The following MAP3K3 variants were observed in gnomAD, a reference collection of about 807,000 sequenced individuals.
The protein encoded by MAP3K3 is mitogen-activated protein kinase kinase kinase 3.
MAP3K3 carries 12 observed loss-of-function variants against 80.9 expected under a neutral mutation model. That is an observed-to-expected ratio of 0.15 (90% CI 0.10 to 0.24). MAP3K3 has a LOEUF of 0.24. MAP3K3 is among the 10% of genes least tolerant of loss of function. MAP3K3 has a pLI of 1.00. For synonymous variants in MAP3K3, 272 were observed against 307.1 expected (o/e 0.89, Z 1.19); for missense variants, 596 against 834.7 (o/e 0.71, Z 3.52).
intron 2 of MAP3K3, among the ~76,000 whole-genome samples, chr17:63,636,268 G>A (rs1309188169): frequency 6.6e-6 from 1 of 152,222 alleles, no homozygotes; most frequent in African/African-American, 2.4e-5. Flanking sequence ...AGCTATGGAA[G>A]TACATGGGCA....
intron 6 of MAP3K3, among the ~76,000 whole-genome samples, chr17:63,667,580 G>C (rs924245559): frequency 1.3e-5 from 2 of 152,202 alleles, no homozygotes; most frequent in South Asian, 4.2e-4. Flanking sequence ...TGTTTGTAGG[G>C]GATTGGTTCC....
chr17:63,631,943 G>A (rs2034224471), intron 1 of MAP3K3, among the ~76,000 whole-genome samples: 2 of 152,174 alleles, frequency 1.3e-5, no homozygotes, highest in Non-Finnish European at 1.5e-5. Flanking sequence ...ACCTTTTAAA[G>A]TGTGCTCTCC....
At chr17:63,645,972 G>A in intron 2 of MAP3K3, 62 bp from the exon 3 acceptor site, 1 of 1,363,000 alleles carries the variant, frequency 7.3e-7, no homozygotes, top group South Asian at 1.2e-5. Flanking sequence ...GGCTTACTTG[G>A]CAATGGCAGG....
rs1488801058 is a variant in MAP3K3 at position 63,689,770 on chromosome 17, C to T, written c.1063+35C>T. On this transcript the variant is annotated intron_variant, in intron 11 of 15. Coordinates refer to ENST00000361733, the MANE Select transcript of MAP3K3 (RefSeq NM_002401.5). This position sits in a 1 kb window ranked among gnomAD's most constrained non-coding sequence, Gnocchi z 4.3. Reference sequence around the variant, plus strand: ...TGTCCCTGGCTAGGAGGAGACTGCCCAGGTGGTCTCAGACAAGCTACGGGG... The same window carrying T: ...TGTCCCTGGCTAGGAGGAGACTGCCTAGGTGGTCTCAGACAAGCTACGGGG... 1.3e-6 allele frequency: 2 copies of T among 1,569,324 alleles called. No individual in the cohort carries two copies. The highest frequency in any genetic ancestry group is 8.7e-7 in the Non-Finnish European group (1 of 1,152,480).
At chr17:63,644,334 C>T (rs191945892) in intron 2 of MAP3K3, among the ~76,000 whole-genome samples, 1 of 152,136 alleles carries the variant, frequency 6.6e-6, no homozygotes, top group Non-Finnish European at 1.5e-5. Flanking sequence ...CCTGCCTCAG[C>T]CTCCCGAGTA....
intron 6 of MAP3K3, among the ~76,000 whole-genome samples, chr17:63,679,884 G>C (rs1007897443): frequency 1.3e-5 from 2 of 152,090 alleles, no homozygotes; most frequent in African/African-American, 4.8e-5. Flanking sequence ...ATCTAAAACT[G>C]GTCTGGACTA....
intron 6 of MAP3K3, among the ~76,000 whole-genome samples, chr17:63,678,673 T>C (rs2035269148): frequency 6.6e-6 from 1 of 152,234 alleles, no homozygotes; most frequent in African/African-American, 2.4e-5. Context: ...ATTCTCAAAA[T>C]GTATTCAGCA....
At chr17:63,634,241 A>C (rs1418529499) in intron 2 of MAP3K3, among the ~76,000 whole-genome samples, 1 of 152,168 alleles carries the variant, frequency 6.6e-6, no homozygotes, top group Admixed American at 6.5e-5. Context: ...CCCTTGCTTG[A>C]GCCTAATGAC....
chr17:63,687,147 C>G (rs941672054), intron 8 of MAP3K3, among the ~76,000 whole-genome samples: 7 of 151,444 alleles, frequency 4.6e-5, no homozygotes, highest in African/African-American at 1.7e-4. Context: ...ACGCGGATCA[C>G]CTGAGGTCAG....
intron 6 of MAP3K3, among the ~76,000 whole-genome samples, chr17:63,673,939 G>C (rs2035163319): frequency 6.6e-6 from 1 of 152,004 alleles, no homozygotes; most frequent in African/African-American, 2.4e-5. Flanking sequence ...AATTATCCAG[G>C]TGTGGTCGTG....
Position 63,689,398 on chromosome 17 carries a change from T to G in MAP3K3, c.872-146T>G. On this transcript the variant is annotated intron_variant, in intron 10 of 15. Transcript: ENST00000361733. The surrounding 1 kb of genome is among the most constrained non-coding windows in gnomAD (Gnocchi z 4.3). ...AGGTGGGAGTGCGGACGGGATGGGC[T>G]GGAGCTGGTATTATCTATCACTTCT... 1 of 653,536 alleles carries G rather than the reference T, an allele frequency of 1.5e-6. No individual in the cohort carries two copies. The highest frequency in any genetic ancestry group is 2.6e-6 in the Non-Finnish European group (1 of 383,496). 40.5% of individuals were successfully genotyped at this position (653,536 alleles called of 1,614,324 possible).
intron 5 of MAP3K3, among the ~76,000 whole-genome samples, chr17:63,664,246 CAAAAA>C (rs60599826): frequency 1.5e-4 from 11 of 72,528 alleles, no homozygotes; most frequent in Admixed American, 1.4e-3. Flanking sequence ...GACTCCGTCT[CAAAAA>C]AAAAAAAAAA....
rs368550331 is a variant in MAP3K3, at chr17:63,627,895, T to C, written c.5-4786T>C. 5.9e-5 allele frequency among the ~76,000 whole-genome samples: 9 copies of C among 151,694 alleles called. 1 individual carries two copies. In the East Asian group the frequency reaches 1.2e-3, roughly 20 times the overall value. On this transcript the variant is annotated intron_variant, in intron 1 of 15. Coordinates refer to ENST00000361733, the MANE Select transcript of MAP3K3 (RefSeq NM_002401.5). ...CAATGCGCCCGGCCTGTCACTCTTA[T>C]TTTCTTCAATCCTTTTTTTTTTTTT...
chr17:63,685,135 A>G (rs1320324447), intron 7 of MAP3K3, among the ~76,000 whole-genome samples: 1 of 152,108 alleles, frequency 6.6e-6, no homozygotes, highest in Non-Finnish European at 1.5e-5. Context: ...TGTAAATTAT[A>G]AATTATGGAG....
At chr17:63,650,782 C>T (rs1272290367) in intron 3 of MAP3K3, among the ~76,000 whole-genome samples, 1 of 151,068 alleles carries the variant, frequency 6.6e-6, no homozygotes, top group Non-Finnish European at 1.5e-5. Context: ...GCCCTGATCT[C>T]CTGGGCTCAA....
At chr17:63,634,838 C>A (rs747215645) in intron 2 of MAP3K3, 2 of 1,521,280 alleles carry the variant, frequency 1.3e-6, no homozygotes, top group Admixed American at 3.5e-5. Context: ...CCAAAATGTA[C>A]TTTTAAATCT....
At chr17:63,628,865 A>G (rs926912919) in intron 1 of MAP3K3, among the ~76,000 whole-genome samples, 1 of 152,152 alleles carries the variant, frequency 6.6e-6, no homozygotes, top group African/African-American at 2.4e-5. Context: ...GTCTTTTTCC[A>G]TTGACCTTTT....
At chr17:63,633,731 T>TA (rs2034263982) in intron 2 of MAP3K3, among the ~76,000 whole-genome samples, 1 of 152,032 alleles carries the variant, frequency 6.6e-6, no homozygotes, top group Admixed American at 6.6e-5. Flanking sequence ...CAGAGAGGAG[T>TA]GAATGATGGG....
intron 1 of MAP3K3, among the ~76,000 whole-genome samples, chr17:63,623,929 G>C (rs1223319458): frequency 6.6e-6 from 1 of 152,184 alleles, no homozygotes. Context: ...TTAACTGTAC[G>C]CTATGTCAAA....
Sources: allele counts gnomAD v4.1 joint callset (sites outside exome capture counted in the v4.1 genomes callset), GRCh38; gene constraint gnomAD v4.1.1; non-coding constraint Gnocchi (gnomAD v3.1); transcripts MANE v1.5; gene names NCBI Gene and HGNC (gene_info 2026-07-23, HGNC 2026-07-21).